The following DDX60 variants were observed in gnomAD, a reference collection of about 807,000 sequenced individuals.
The protein encoded by DDX60 is DExD/H-box helicase 60, also known as probable ATP-dependent RNA helicase DDX60.
In DDX60, 165 loss-of-function variants were observed where a neutral mutation model predicts 212.8. That is an observed-to-expected ratio of 0.78 (90% CI 0.68 to 0.88). DDX60 has a LOEUF of 0.88. Ranked by LOEUF, DDX60 falls within the 40% of genes least tolerant of loss-of-function variation. The probability of loss-of-function intolerance (pLI) is 0.00; values close to 1 mark genes in which losing one functional copy is unlikely to be tolerated. For missense variants in DDX60, 1,905 were observed against 2,003.9 expected (o/e 0.95, Z 0.94); for synonymous variants, 703 against 685.3 (o/e 1.03, Z -0.40).
Position 168,288,272 on chromosome 4 carries a change from A to G in DDX60, c.1085T>C (p.Phe362Ser). ...EYFILRNIHT[F>S]EFWNLNLIHL... is the part of the protein sequence containing the mutation. ...AATTAAATTCAGATTCCAAAATTCA[A>G]AAGTATGTATATTTCTTAAGATGAA... The change falls in exon 9 of 38, where the codon TTT becomes TCT. Residue 362 changes from phenylalanine (F) to serine (S), a missense_variant. Transcript: ENST00000393743. 3 of 1,499,942 alleles carry G rather than the reference A, an allele frequency of 2.0e-6. No homozygotes were observed. Among genetic ancestry groups the G allele is most frequent in the South Asian group, 2.4e-5 (2 of 83,220 alleles). The allele number at this position is 1,499,942 out of a possible 1,614,324, so 92.9% of individuals were successfully genotyped here.
chr4:168,258,040 T>C (rs1459945864), intron 25 of DDX60, among the ~76,000 whole-genome samples: 1 of 152,216 alleles, frequency 6.6e-6, no homozygotes, highest in East Asian at 1.9e-4. Flanking sequence ...TTTTAGAAAG[T>C]CCTTGAGACA....
chr4:168,274,747 C>G (rs1051840350), intron 16 of DDX60, among the ~76,000 whole-genome samples: 1 of 136,484 alleles, frequency 7.3e-6, no homozygotes, highest in African/African-American at 2.9e-5. Flanking sequence ...CATTTTTTAA[C>G]CTACCCCACC....
intron 20 of DDX60, among the ~76,000 whole-genome samples, chr4:168,268,331 C>T (rs1026006166): frequency 6.6e-6 from 1 of 152,002 alleles, no homozygotes; most frequent in African/African-American, 2.4e-5. Context: ...TAGAACAGTA[C>T]TGGGCACATA....
At chr4:168,321,868 GA>G (rs747203323), upstream of DDX60, among the ~76,000 whole-genome samples, 29 of 152,182 alleles carry the variant, frequency 1.9e-4, no homozygotes, top group African/African-American at 2.6e-4. Context: ...CAATTCAATA[GA>G]ATTCAATTCT....
At chr4:168,267,736 C>G in intron 21 of DDX60, 45 bp from the exon 22 acceptor site, 2 of 1,540,972 alleles carry the variant, frequency 1.3e-6, no homozygotes, top group South Asian at 2.5e-5. Flanking sequence ...GAAATGTAAT[C>G]ACTGAAACAA....
At chr4:168,256,624 A>G (rs1480429144) in intron 25 of DDX60, among the ~76,000 whole-genome samples, 1 of 152,194 alleles carries the variant, frequency 6.6e-6, no homozygotes, top group Non-Finnish European at 1.5e-5. Context: ...AGTAAAGGCA[A>G]ACATTTCCTA....
chr4:168,241,708 C>A (rs1356039495), intron 30 of DDX60, among the ~76,000 whole-genome samples: 1 of 152,060 alleles, frequency 6.6e-6, no homozygotes, highest in Non-Finnish European at 1.5e-5. Flanking sequence ...ATAAGGGAAG[C>A]AGAGCATAAA....
chr4:168,238,236 C>CAAA (rs57638327), intron 30 of DDX60, among the ~76,000 whole-genome samples: 18 of 80,858 alleles, frequency 2.2e-4, no homozygotes, highest in Non-Finnish European at 3.1e-4. Flanking sequence ...TATGAAATTC[C>CAAA]AAAAAAAAAA....
At chr4:168,262,982 C>T (rs952239653) in intron 22 of DDX60, among the ~76,000 whole-genome samples, 195 bp from the exon 23 acceptor site, 1 of 152,006 alleles carries the variant, frequency 6.6e-6, no homozygotes, top group African/African-American at 2.4e-5. Context: ...AAGCCAAAAG[C>T]CCACCAAAAA....
intron 4 of DDX60, among the ~76,000 whole-genome samples, chr4:168,307,673 G>C (rs890911225): frequency 6.6e-6 from 1 of 152,074 alleles, no homozygotes; most frequent in Non-Finnish European, 1.5e-5. Flanking sequence ...CATATAAATT[G>C]CCTGCTGAGT....
chr4:168,222,808 C>T (rs1039839528), intron 35 of DDX60, among the ~76,000 whole-genome samples: 15 of 151,946 alleles, frequency 9.9e-5, no homozygotes, highest in African/African-American at 3.4e-4. Context: ...ATTGCACATA[C>T]GCACGAGACA....
chr4:168,232,517 T>C (rs1047271768), intron 33 of DDX60, among the ~76,000 whole-genome samples: 9 of 151,984 alleles, frequency 5.9e-5, no homozygotes, highest in African/African-American at 1.7e-4. Context: ...TATAGACACA[T>C]AGACCAATGG....
Position 168,234,998 on chromosome 4 carries a change from C to T in DDX60, c.4533+1254G>A, listed in dbSNP as rs542207710. Reference sequence around the variant, plus strand: ...TCGTCTTCTCAAATCTAAAAGACTGCTAAAGATCCACCTTTTTCCTATAGC... The same window carrying T: ...TCGTCTTCTCAAATCTAAAAGACTGTTAAAGATCCACCTTTTTCCTATAGC... On this transcript the variant is annotated intron_variant, in intron 33 of 37. Transcript: ENST00000393743. Among the ~76,000 whole-genome samples the T allele has an allele frequency of 8.5e-5, 13 of 152,144 alleles. No individual in the cohort carries two copies. The South Asian group carries it at 1.9e-3, about 22-fold the overall frequency.
At chr4:168,284,696 T>C in intron 12 of DDX60, 124 bp downstream of exon 12, 1 of 490,486 alleles carries the variant, frequency 2.0e-6, no homozygotes. Context: ...CACATCTAAA[T>C]ATCTTGTAGA....
At chr4:168,265,869 AGGG>A (rs1403282082) in intron 22 of DDX60, among the ~76,000 whole-genome samples, 22 of 141,372 alleles carry the variant, frequency 1.6e-4, no homozygotes, top group African/African-American at 5.7e-4. Context: ...AGGGAAGGGA[AGGG>A]AAGGGAAGGG....
intron 30 of DDX60, among the ~76,000 whole-genome samples, chr4:168,239,801 A>G (rs758983297): frequency 1.4e-4 from 21 of 152,084 alleles, no homozygotes; most frequent in Non-Finnish European, 1.8e-4. Context: ...GTAAGATATC[A>G]TATTCTACAG....
chr4:168,311,482 T>C (rs1737131984), intron 1 of DDX60, 117 bp from the exon 2 acceptor site: 5 of 501,578 alleles, frequency 1.0e-5, no homozygotes, highest in Non-Finnish European at 1.4e-5. Flanking sequence ...TCAACATTGC[T>C]GACAGTTCTC....
upstream of DDX60, among the ~76,000 whole-genome samples, chr4:168,320,209 G>A (rs934311809): frequency 6.6e-6 from 1 of 152,094 alleles, no homozygotes; most frequent in Admixed American, 6.6e-5. Flanking sequence ...CATAGCAAAA[G>A]TAACTTTGCA....
chr4:168,285,935 GGA>G (rs1735817978), intron 10 of DDX60, among the ~76,000 whole-genome samples: 1 of 133,540 alleles, frequency 7.5e-6, no homozygotes, highest in African/African-American at 2.9e-5. Context: ...AAGGAAGGAA[GGA>G]AGGGAGGAAG....
Sources: gnomAD v4.1 joint callset for allele counts (sites outside exome capture counted in the v4.1 genomes callset) on GRCh38, gnomAD v4.1.1 for gene constraint, MANE v1.5 for transcripts, NCBI Gene and HGNC (gene_info 2026-07-23, HGNC 2026-07-21) for gene names.